Variants in SUPT3H observed in about 807,000 individuals in gnomAD.
SUPT3H encodes the protein transcription initiation protein SPT3 homolog.
SUPT3H carries 44 observed loss-of-function variants against 44.3 expected under a neutral mutation model. The observed-to-expected ratio is 0.99, with a 90% CI of 0.78 to 1.28. The LOEUF (loss-of-function observed/expected upper bound fraction) is 1.28, where lower values mean the gene tolerates loss of function less well. Among genes scored for constraint, SUPT3H ranks in the 50% most tolerant of loss-of-function variants. The probability of loss-of-function intolerance (pLI) is 0.00; values close to 1 mark genes in which losing one functional copy is unlikely to be tolerated. For missense variants in SUPT3H, 380 were observed against 387.1 expected (o/e 0.98, Z 0.15); for synonymous variants, 124 against 125.6 (o/e 0.99, Z 0.09).
Position 44,953,382 on chromosome 6 carries a change from C to T in SUPT3H, c.729G>A (p.Met243Ile). The stretch of plus-strand genomic sequence containing the variant: ...TGAAGGGGTCCCCTGCCTTGGTTAC[C>T]ATGTCTTGCCTCACAAGAAGAGCCA... ...VDLALLVRQDMVTKAGDPFSH... is the reference protein window; with the variant it reads ...VDLALLVRQDIVTKAGDPFSH... The change falls in exon 9 of 11, where the codon ATG (methionine) becomes ATA (isoleucine). Residue 243 changes from methionine to isoleucine, a missense_variant. Coordinates refer to ENST00000371459, the MANE Select transcript of SUPT3H (RefSeq NM_003599.4). 1 of 1,613,972 alleles carries T rather than the reference C, an allele frequency of 6.2e-7. No homozygotes were observed. The highest frequency in any genetic ancestry group is 8.5e-7 in the Non-Finnish European group (1 of 1,179,956).
At chr6:45,204,518 G>A (rs983077922) in intron 2 of SUPT3H, among the ~76,000 whole-genome samples, 11 of 152,114 alleles carry the variant, frequency 7.2e-5, no homozygotes, top group Non-Finnish European at 2.9e-5. Flanking sequence ...GGTTCAAGGA[G>A]GACAAGAGTC....
At chr6:45,249,712 C>T (rs776340181) in intron 2 of SUPT3H, among the ~76,000 whole-genome samples, 1 of 152,100 alleles carries the variant, frequency 6.6e-6, no homozygotes, top group Non-Finnish European at 1.5e-5. Context: ...TCAAGCCATG[C>T]CACTATTCCT....
intron 2 of SUPT3H, among the ~76,000 whole-genome samples, chr6:45,297,698 A>G (rs1368663585): frequency 6.6e-6 from 1 of 152,174 alleles, no homozygotes; most frequent in African/African-American, 2.4e-5. Flanking sequence ...TTCATAATGA[A>G]CTTGAAGTTC....
At chr6:45,377,065 G>A (rs2150334447) in intron 1 of SUPT3H, among the ~76,000 whole-genome samples, 1 of 151,930 alleles carries the variant, frequency 6.6e-6, no homozygotes, top group South Asian at 2.1e-4. Flanking sequence ...TCTCACGTGT[G>A]AGACCAAGTG....
intron 6 of SUPT3H, among the ~76,000 whole-genome samples, chr6:44,978,818 A>C (rs1778699503): frequency 1.3e-5 from 2 of 152,208 alleles, no homozygotes; most frequent in Admixed American, 1.3e-4. Context: ...AAAACCCTAT[A>C]ATCACTGGGG....
At chr6:45,171,591 C>T (rs762388167) in intron 2 of SUPT3H, among the ~76,000 whole-genome samples, 11 of 151,894 alleles carry the variant, frequency 7.2e-5, no homozygotes, top group Non-Finnish European at 1.5e-4. Flanking sequence ...CAGTGAGTCA[C>T]TTCAAGACTG....
intron 2 of SUPT3H, among the ~76,000 whole-genome samples, chr6:45,300,031 A>C (rs1781908954): frequency 6.6e-6 from 1 of 152,182 alleles, no homozygotes; most frequent in African/African-American, 2.4e-5. Context: ...TTTAATTAAT[A>C]GCAGGCACTG....
chr6:45,013,104 C>T (rs747613693), intron 5 of SUPT3H, among the ~76,000 whole-genome samples: 2 of 152,112 alleles, frequency 1.3e-5, no homozygotes, highest in East Asian at 3.9e-4. Flanking sequence ...TACCCTTGGG[C>T]ATAAATTGCT....
intron 2 of SUPT3H, among the ~76,000 whole-genome samples, chr6:45,270,221 T>G (rs568076219): frequency 2.0e-5 from 3 of 152,154 alleles, no homozygotes; most frequent in Non-Finnish European, 2.9e-5. Context: ...CACTTATTAC[T>G]CTATCCCTAA....
At chr6:45,171,183 A>G (rs150422482) in intron 2 of SUPT3H, among the ~76,000 whole-genome samples, 1 of 152,296 alleles carries the variant, frequency 6.6e-6, no homozygotes, top group East Asian at 1.9e-4. Context: ...TTGTATCTAT[A>G]TTAGTTTTGA....
intron 2 of SUPT3H, among the ~76,000 whole-genome samples, chr6:45,133,212 GTTCTT>G (rs1203369508): frequency 6.6e-6 from 1 of 152,098 alleles, no homozygotes; most frequent in African/African-American, 2.4e-5. Context: ...TCCACACAAA[GTTCTT>G]TTCTTCTTGC....
chr6:45,298,720 CT>C (rs1303511607), intron 2 of SUPT3H, among the ~76,000 whole-genome samples: 6 of 152,066 alleles, frequency 3.9e-5, no homozygotes, highest in Non-Finnish European at 1.5e-5. Context: ...GTAATTGTTA[CT>C]TTTCTATTTA....
At chr6:44,884,011 T>G (rs1263199009) in intron 10 of SUPT3H, among the ~76,000 whole-genome samples, 1 of 151,962 alleles carries the variant, frequency 6.6e-6, no homozygotes, top group African/African-American at 2.4e-5. Context: ...AATTGACAAA[T>G]GGGATCTAAT....
chr6:45,090,835 CATTTT>C (rs1797037590), intron 3 of SUPT3H, among the ~76,000 whole-genome samples: 1 of 151,806 alleles, frequency 6.6e-6, no homozygotes, highest in Non-Finnish European at 1.5e-5. Flanking sequence ...GAACCATAAA[CATTTT>C]ATTAGGAATA....
chr6:44,836,478 C>T (rs1346907536), intron 10 of SUPT3H, among the ~76,000 whole-genome samples: 3 of 152,166 alleles, frequency 2.0e-5, no homozygotes, highest in Non-Finnish European at 4.4e-5. Context: ...TATTAACTCT[C>T]ATTGTAGTCC....
At chr6:44,983,213 C>G (rs1231345387) in intron 6 of SUPT3H, among the ~76,000 whole-genome samples, 5 of 152,058 alleles carry the variant, frequency 3.3e-5, no homozygotes, top group African/African-American at 7.2e-5. Context: ...ATTTGTAGAT[C>G]ACCATAGCCT....
At position 45,333,220 on chromosome 6, in the gene SUPT3H, A is replaced by G. The variant is rs34121752; in HGVS notation, c.101+31981T>C. Among the ~76,000 whole-genome samples, 487 of 151,708 alleles carry G rather than the reference A, an allele frequency of 3.2e-3. 13 individuals are homozygous for G. The highest frequency in any genetic ancestry group is 0.029 in the Admixed American group (435 of 15,168). On this transcript the variant is annotated intron_variant, in intron 2 of 10. Coordinates refer to ENST00000371459, the MANE Select transcript of SUPT3H (RefSeq NM_003599.4). ...TGAAATTCACTGGATATATTTTTTG[A>G]TTAATGTGTTACGATTCAAAAAATA...
At chr6:44,973,076 T>C (rs949595345) in intron 6 of SUPT3H, among the ~76,000 whole-genome samples, 1 of 149,652 alleles carries the variant, frequency 6.7e-6, no homozygotes, top group Non-Finnish European at 1.5e-5. Flanking sequence ...TTATCTTTTC[T>C]ATCATATCAC....
intron 2 of SUPT3H, among the ~76,000 whole-genome samples, chr6:45,144,275 G>A (rs775783335): frequency 2.6e-5 from 4 of 152,044 alleles, no homozygotes; most frequent in South Asian, 2.1e-4. Flanking sequence ...CCTGATGGAC[G>A]TAGATGCAAA....
Sources: gnomAD v4.1 joint callset for allele counts (sites outside exome capture counted in the v4.1 genomes callset) on GRCh38, gnomAD v4.1.1 for gene constraint, MANE v1.5 for transcripts, NCBI Gene and HGNC (gene_info 2026-07-23, HGNC 2026-07-21) for gene names.